Variants in OCM observed in about 807,000 individuals in gnomAD.
OCM encodes oncomodulin.
In OCM, 18 loss-of-function variants were observed where a neutral mutation model predicts 14.1. The observed-to-expected ratio is 1.28, with a 90% CI of 0.88 to 1.89. OCM has a LOEUF of 1.89. Among genes scored for constraint, OCM ranks in the 40% most tolerant of loss-of-function variants. The probability of loss-of-function intolerance (pLI) is 0.00; values close to 1 mark genes in which losing one functional copy is unlikely to be tolerated. For missense variants in OCM, 140 were observed against 137.6 expected, an observed-to-expected ratio of 1.02 and a Z score of -0.09; for synonymous variants, 48 against 51.0, an observed-to-expected ratio of 0.94 and a Z score of 0.25.
chr7:5,872,165 G>A, the OCM span: 1 of 152,198 alleles, frequency 6.6e-6, no homozygotes, highest in African/African-American at 2.4e-5. Flanking sequence ...ATTTTGCCCT[G>A]GCCCGTGGGT....
At chr7:5,884,061 G>C in intron 3 of OCM, 62 bp downstream of exon 3, 2 of 1,596,498 alleles carry the variant, frequency 1.3e-6, no homozygotes, top group Non-Finnish European at 1.7e-6. Context: ...GTGAGGGCTT[G>C]GGCTGTGAGA....
chr7:5,860,473 ACGTGT>A, the OCM span, among the ~76,000 whole-genome samples: 1 of 36,956 alleles, frequency 2.7e-5, no homozygotes, highest in African/African-American at 3.7e-4. Flanking sequence ...ACGTATATAT[ACGTGT>A]ATATATACGT....
chr7:5,861,483 G>A, the OCM span, among the ~76,000 whole-genome samples: 1 of 152,060 alleles, frequency 6.6e-6, no homozygotes, highest in Admixed American at 6.6e-5. Flanking sequence ...GTTGGGTCAT[G>A]TGATAGACAC....
chr7:5,862,753 T>A, the OCM span, among the ~76,000 whole-genome samples: 3 of 152,138 alleles, frequency 2.0e-5, no homozygotes, highest in Non-Finnish European at 4.4e-5. Context: ...CCTTTTCAAG[T>A]TTACTTTATC....
the OCM span, among the ~76,000 whole-genome samples, chr7:5,863,952 G>C: frequency 6.6e-6 from 1 of 152,008 alleles, no homozygotes; most frequent in Non-Finnish European, 1.5e-5. Flanking sequence ...TATTTTCTCA[G>C]TTAAGGAGAA....
chr7:5,880,808 G>A lies in OCM; in HGVS notation c.-82G>A, dbSNP rs1781196130. 7.5e-7 allele frequency: 1 copy of A among 1,327,318 alleles called. No homozygotes were observed. Among genetic ancestry groups the A allele is most frequent in the Non-Finnish European group, 1.1e-6 (1 of 923,278 alleles). The allele number at this position is 1,327,318 out of a possible 1,614,324, so 82.2% of individuals were successfully genotyped here. ...ACACACATACAGTTTCAGTGGGCCT[G>A]GGAAGATGTGTTTCCCCTGGATGTG... On this transcript the variant is annotated 5_prime_UTR_variant, in exon 1 of 4. Transcript: ENST00000242104.
At chr7:5,885,906 G>A (rs1562531876) in intron 3 of OCM, among the ~76,000 whole-genome samples, 158 bp from the exon 4 acceptor site, 1 of 152,160 alleles carries the variant, frequency 6.6e-6, no homozygotes, top group African/African-American at 2.4e-5. Flanking sequence ...ACTGTGCCCG[G>A]CCAGTTTTTC....
At chr7:5,867,374 C>CT in the OCM span, among the ~76,000 whole-genome samples, 76 of 152,230 alleles carry the variant, frequency 5.0e-4, no homozygotes, top group African/African-American at 1.7e-3. Context: ...TATTGTGTCT[C>CT]TTTTTTCTGG....
At chr7:5,885,771 G>A (rs1781321274) in intron 3 of OCM, among the ~76,000 whole-genome samples, 2 of 151,878 alleles carry the variant, frequency 1.3e-5, no homozygotes, top group Non-Finnish European at 2.9e-5. Flanking sequence ...CCACAACGCT[G>A]AGCTAAGTTT....
the OCM span, among the ~76,000 whole-genome samples, chr7:5,866,346 G>GAGGGAGGGAGGAAAGGAGGA: frequency 1.4e-4 from 17 of 117,728 alleles, no homozygotes; most frequent in Non-Finnish European, 2.2e-4. Flanking sequence ...GTGGGGGGGA[G>GAGGGAGGGAGGAAAGGAGGA]AGGGAGGGAG....
the OCM span, among the ~76,000 whole-genome samples, chr7:5,870,063 C>G: frequency 3.3e-5 from 5 of 152,142 alleles, 1 homozygote; most frequent in African/African-American, 9.6e-5. Context: ...ATATTTTGGG[C>G]AGAGGAGTAG....
At chr7:5,882,461 A>G in intron 1 of OCM, 32 bp from the exon 2 acceptor site, 1 of 1,599,104 alleles carries the variant, frequency 6.3e-7, no homozygotes, top group East Asian at 2.3e-5. Context: ...TGATCCAACA[A>G]GCGTCAGAAT....
At chr7:5,860,139 C>T in the OCM span, among the ~76,000 whole-genome samples, 2 of 151,816 alleles carry the variant, frequency 1.3e-5, no homozygotes, top group East Asian at 1.9e-4. Flanking sequence ...GATGCCAGCT[C>T]TCTCATTATG....
At chr7:5,885,722 T>C (rs1249419899) in intron 3 of OCM, among the ~76,000 whole-genome samples, 1 of 151,636 alleles carries the variant, frequency 6.6e-6, no homozygotes. Flanking sequence ...GTGATTCTCC[T>C]GCCTCAGCCT....
chr7:5,869,878 TG>T, the OCM span, among the ~76,000 whole-genome samples: 7 of 152,212 alleles, frequency 4.6e-5, no homozygotes, highest in Non-Finnish European at 8.8e-5. Flanking sequence ...CCCCTGACAT[TG>T]GCTGACCCAG....
the OCM span, among the ~76,000 whole-genome samples, chr7:5,860,231 A>G: frequency 6.6e-6 from 1 of 151,820 alleles, no homozygotes; most frequent in Non-Finnish European, 1.5e-5. Context: ...GTAAGTTGAG[A>G]CGGAGCCGCT....
the OCM span, among the ~76,000 whole-genome samples, chr7:5,868,079 T>C: frequency 6.6e-6 from 1 of 151,990 alleles, no homozygotes; most frequent in East Asian, 1.9e-4. Context: ...ACTCTTTTTT[T>C]CTTCGGTGTC....
At chr7:5,864,824 G>C in the OCM span, among the ~76,000 whole-genome samples, 1 of 152,000 alleles carries the variant, frequency 6.6e-6, no homozygotes, top group African/African-American at 2.4e-5. Context: ...TGCAATCCCA[G>C]CTACTTGAGA....
At position 5,882,628 on chromosome 7, in the gene OCM, A is replaced by T; in HGVS notation, c.194+3A>T. ...TACCTGGATGAAGAAGAGCTTAAGT[A>T]AGCTTTGTCCTGAGTCTGTCTGGTA... is the stretch of plus-strand genomic sequence containing the variant. On this transcript the variant is annotated splice_donor_region_variant and intron_variant, in intron 2 of 3. Transcript: ENST00000242104. 6.2e-7 allele frequency: 1 copy of T among 1,614,022 alleles called. No individual in the cohort carries two copies. The highest frequency in any genetic ancestry group is 1.7e-5 in the Admixed American group (1 of 59,984).
Sources: allele counts gnomAD v4.1 joint callset (sites outside exome capture counted in the v4.1 genomes callset), GRCh38; gene constraint gnomAD v4.1.1; transcripts MANE v1.5; gene names NCBI Gene and HGNC (gene_info 2026-07-23, HGNC 2026-07-21).